The following SLC22A2 variants were observed in gnomAD, a reference collection of about 807,000 sequenced individuals.
The protein encoded by SLC22A2 is solute carrier family 22 member 2, also known as organic cation transporter 2.
Under a neutral mutation model 60.5 loss-of-function variants are expected in SLC22A2, and 46 were observed. The ratio of observed to expected loss-of-function variants is 0.76; its 90% CI spans 0.60 to 0.97. SLC22A2 has a LOEUF of 0.97. SLC22A2 is among the 50% of genes least tolerant of loss of function. The pLI, the probability that SLC22A2 is intolerant of heterozygous loss-of-function variation, is 0.00. For synonymous variants in SLC22A2, 303 were observed against 267.0 expected (o/e 1.13, Z -1.31); for missense variants, 701 against 706.6 (o/e 0.99, Z 0.09).
At chr6:160,249,455 C>T in intron 3 of SLC22A2, 71 bp from the exon 4 acceptor site, 2 of 1,167,328 alleles carry the variant, frequency 1.7e-6, no homozygotes, top group South Asian at 1.3e-5. Context: ...TATCAGGAAA[C>T]TAGAACACCA....
In SLC22A2 at chr6:160,242,401, A is replaced by T; in HGVS notation, c.1281T>A (p.Asp427Glu). ...ACLASVFIPG[D>E]LQWLKIIISC... is the part of the protein sequence containing the mutation. ...AGATAATAATTTTTAGCCATTGTAGATCTAAGAGGGAAAAGAACAGTACTT... is the reference window on the plus strand; with the variant it reads ...AGATAATAATTTTTAGCCATTGTAGTTCTAAGAGGGAAAAGAACAGTACTT... Residue 427 changes from aspartate (D) to glutamate (E), a missense_variant and splice_region_variant, in exon 8 of 11, where the codon GAT becomes GAA. Coordinates refer to ENST00000366953, the MANE Select transcript of SLC22A2 (RefSeq NM_003058.4). The T allele has an allele frequency of 6.5e-7, 1 of 1,528,870 alleles. No homozygotes were observed. The highest frequency in any genetic ancestry group is 9.1e-7 in the Non-Finnish European group (1 of 1,102,420). The allele number at this position is 1,528,870 out of a possible 1,614,324, so 94.7% of individuals were successfully genotyped here. A position where few individuals can be genotyped will look rare whatever the true frequency, so the allele number is the denominator to read the frequency against.
chr6:160,232,282 C>T (rs1286188109), intron 9 of SLC22A2, among the ~76,000 whole-genome samples: 1 of 151,848 alleles, frequency 6.6e-6, no homozygotes, highest in Non-Finnish European at 1.5e-5. Context: ...GTTCCTCACC[C>T]TGATCACACT....
intron 4 of SLC22A2, among the ~76,000 whole-genome samples, chr6:160,247,659 GC>G (rs1783117087): frequency 6.6e-6 from 1 of 152,214 alleles, no homozygotes; most frequent in African/African-American, 2.4e-5. Flanking sequence ...GGGGTGGGGA[GC>G]AAGTATGTAT....
At chr6:160,247,051 C>T (rs542897897) in intron 5 of SLC22A2, 133 bp downstream of exon 5, 94 of 596,798 alleles carry the variant, frequency 1.6e-4, no homozygotes, top group African/African-American at 1.1e-3. Flanking sequence ...TGTTGCATTC[C>T]GCTACAGGTA....
chr6:160,237,613 C>T (rs1782931470), intron 9 of SLC22A2, among the ~76,000 whole-genome samples: 1 of 152,190 alleles, frequency 6.6e-6, no homozygotes, highest in Non-Finnish European at 1.5e-5. Flanking sequence ...GGATCTTTGT[C>T]TCTCTGCAAC....
Position 160,249,932 on chromosome 6 carries a change from A to C in SLC22A2, c.674-548T>G, listed in dbSNP as rs114511762. Among the ~76,000 whole-genome samples, 1,379 of 152,372 alleles carry C rather than the reference A, an allele frequency of 9.1e-3. 19 individuals are homozygous for C. The highest frequency in any genetic ancestry group is 0.041 in the Middle Eastern group (12 of 294). On this transcript the variant is annotated intron_variant, in intron 3 of 10. Transcript: ENST00000366953. ...GGGGAATTTTACAAGCTGGTGGTTC[A>C]ACCCGTTGGTATCAGCCATAGTGAG... is the stretch of plus-strand genomic sequence containing the variant.
At chr6:160,229,482 T>C (rs1314933749) in intron 9 of SLC22A2, among the ~76,000 whole-genome samples, 1 of 151,886 alleles carries the variant, frequency 6.6e-6, no homozygotes, top group African/African-American at 2.4e-5. Context: ...TTCACCCACA[T>C]TCCTTGGTGG....
Position 160,256,626 on chromosome 6 carries a change from T to G in SLC22A2, c.506A>C (p.Tyr169Ser). 1 of 1,611,350 alleles carries G rather than the reference T, an allele frequency of 6.2e-7. No homozygotes were observed. The highest frequency in any genetic ancestry group is 1.7e-5 in the Admixed American group (1 of 60,016). Residue 169 changes from tyrosine (Y) to serine (S), a missense_variant, in exon 2 of 11, where the codon TAC (tyrosine) becomes TCC (serine). Physicochemically the swap from Tyr to Ser is moderately radical, Grantham distance 144 (BLOSUM62 -2). Transcript: ENST00000366953. The stretch of plus-strand genomic sequence containing the variant: ...TGATTCAACCTACCTGTCTGCTATG[T>G]AGCCGATACTCATAGAGCCAATAAA... ...GFFIGSMSIGYIADRFGRKLC... is the reference protein window; with the variant it reads ...GFFIGSMSIGSIADRFGRKLC...
At chr6:160,249,078 A>G (rs999300426) in intron 4 of SLC22A2, 138 bp downstream of exon 4, 15 of 541,228 alleles carry the variant, frequency 2.8e-5, no homozygotes, top group Non-Finnish European at 4.8e-5. Flanking sequence ...TGAAACATGG[A>G]ATTGGGCTCT....
chr6:160,225,757 G>C (rs1212622840), intron 9 of SLC22A2, among the ~76,000 whole-genome samples: 1 of 152,028 alleles, frequency 6.6e-6, no homozygotes, highest in African/African-American at 2.4e-5. Context: ...AGATGGAATG[G>C]TAAACACACT....
intron 5 of SLC22A2, 65 bp from the exon 6 acceptor site, chr6:160,245,610 G>T: frequency 1.1e-6 from 1 of 929,684 alleles, no homozygotes; most frequent in South Asian, 1.7e-5. Flanking sequence ...GTCACATAGG[G>T]AATAACAATA....
Position 160,255,686 on chromosome 6 carries a change from T to C in SLC22A2, c.518+928A>G, listed in dbSNP as rs566003420. Among the ~76,000 whole-genome samples the C allele has an allele frequency of 1.6e-4, 24 of 152,342 alleles. No individual in the cohort carries two copies. The South Asian group carries it at 4.8e-3, about 30-fold the overall frequency. Reference sequence around the variant, plus strand: ...GATTGCTGATTAAGGGGAATACTATTACCCACAATGTTGAACACAGTGCCT... The same window carrying C: ...GATTGCTGATTAAGGGGAATACTATCACCCACAATGTTGAACACAGTGCCT... On this transcript the variant is annotated intron_variant, in intron 2 of 10. Coordinates refer to ENST00000366953, the MANE Select transcript of SLC22A2 (RefSeq NM_003058.4).
chr6:160,241,643 C>G, intron 8 of SLC22A2, 57 bp from the exon 9 acceptor site: 2 of 1,039,402 alleles, frequency 1.9e-6, no homozygotes, highest in Non-Finnish European at 3.0e-6. Flanking sequence ...GTAGTTATCT[C>G]CCATCCACCC....
chr6:160,220,980 A>G (rs1782634577), intron 10 of SLC22A2, among the ~76,000 whole-genome samples: 1 of 152,194 alleles, frequency 6.6e-6, no homozygotes, highest in African/African-American at 2.4e-5. Context: ...CCTTCTAGTC[A>G]CCAGCTGCAT....
At chr6:160,224,904 T>C (rs1262908832) in intron 9 of SLC22A2, 100 bp from the exon 10 acceptor site, 2 of 565,414 alleles carry the variant, frequency 3.5e-6, no homozygotes, top group African/African-American at 1.9e-5. Flanking sequence ...TTTTAGCATT[T>C]TTCTATACTT....
chr6:160,249,373 C>G lies in SLC22A2; in HGVS notation c.685G>C (p.Val229Leu). 1 of 1,613,270 alleles carries G rather than the reference C, an allele frequency of 6.2e-7. No homozygotes were observed. The highest frequency in any genetic ancestry group is 8.5e-7 in the Non-Finnish European group (1 of 1,179,620). ...ACTGTTCTCCGATATCTCCGCCCAACAAATTCTGTAACTGCAGAGAGAATT... is the reference window on the plus strand; with the variant it reads ...ACTGTTCTCCGATATCTCCGCCCAAGAAATTCTGTAACTGCAGAGAGAATT... ...LIGYILITEF[V>L]GRRYRRTVGI... The change falls in exon 4 of 11, where the codon GTT (valine) becomes CTT (leucine). Residue 229 changes from valine (V) to leucine (L), a missense_variant. Val to Leu is a conservative substitution (Grantham distance 32). Transcript: ENST00000366953.
chr6:160,233,724 C>T (rs1367862205), intron 9 of SLC22A2, among the ~76,000 whole-genome samples: 1 of 151,800 alleles, frequency 6.6e-6, no homozygotes, highest in Non-Finnish European at 1.5e-5. Flanking sequence ...AATGCGCCTT[C>T]TAACAACCTT....
chr6:160,216,905 C>T lies in SLC22A2; in HGVS notation c.*527G>A, dbSNP rs947751517. ...CTTTTATTTGAGATTCACTTTAAGTCTAACCTAGATAATAATCAATGTATT... is the reference window on the plus strand; with the variant it reads ...CTTTTATTTGAGATTCACTTTAAGTTTAACCTAGATAATAATCAATGTATT... On this transcript the variant is annotated 3_prime_UTR_variant, in exon 11 of 11. Transcript: ENST00000366953. 1 of 152,052 alleles carries T rather than the reference C, an allele frequency of 6.6e-6. No individual in the cohort carries two copies. Among genetic ancestry groups the T allele is most frequent in the Non-Finnish European group, 1.5e-5 (1 of 68,036 alleles). The allele number at this position is 152,052 out of a possible 1,614,324, so 9.4% of individuals were successfully genotyped here. A position where few individuals can be genotyped will look rare whatever the true frequency, so the allele number is the denominator to read the frequency against.
chr6:160,226,507 T>C (rs1782726988), intron 9 of SLC22A2, among the ~76,000 whole-genome samples: 1 of 152,188 alleles, frequency 6.6e-6, no homozygotes, highest in Admixed American at 6.5e-5. Flanking sequence ...TCAAACCATG[T>C]TCAAATAAGG....
Sources: gnomAD v4.1 joint callset for allele counts (sites outside exome capture counted in the v4.1 genomes callset) on GRCh38, gnomAD v4.1.1 for gene constraint, MANE v1.5 for transcripts, NCBI Gene and HGNC (gene_info 2026-07-23, HGNC 2026-07-21) for gene names.